EIF4ENIF1: variants seen among roughly 807,000 people sequenced by gnomAD.
EIF4ENIF1 encodes eukaryotic translation initiation factor 4E transporter.
A neutral mutation model predicts 110.5 loss-of-function variants in EIF4ENIF1; 23 were observed. The ratio of observed to expected loss-of-function variants is 0.21; its 90% CI spans 0.15 to 0.29. The LOEUF (loss-of-function observed/expected upper bound fraction) is 0.29, where lower values mean the gene tolerates loss of function less well. EIF4ENIF1 is among the 10% of genes least tolerant of loss of function. EIF4ENIF1 has a pLI of 1.00. For synonymous variants in EIF4ENIF1, 440 were observed against 437.0 expected (o/e 1.01, Z -0.09); for missense variants, 1,031 against 1,221.1 (o/e 0.84, Z 2.32).
In EIF4ENIF1 at chr22:31,471,841, T is replaced by C; in HGVS notation, c.170+3A>G. 6.2e-7 allele frequency: 1 copy of C among 1,602,506 alleles called. No homozygotes were observed. The highest frequency in any genetic ancestry group is 8.5e-7 in the Non-Finnish European group (1 of 1,176,372). ...TAGTTAAGGACTAGAATGACACACATACCTGTCATATTTTTCAGAAAGGCA... is the reference window on the plus strand; with the variant it reads ...TAGTTAAGGACTAGAATGACACACACACCTGTCATATTTTTCAGAAAGGCA... On this transcript the variant is annotated splice_donor_region_variant and intron_variant, in intron 3 of 18. Coordinates refer to ENST00000330125, the MANE Select transcript of EIF4ENIF1 (RefSeq NM_019843.4).
chr22:31,481,220 T>C (rs1211888189), intron 2 of EIF4ENIF1, among the ~76,000 whole-genome samples: 1 of 152,106 alleles, frequency 6.6e-6, no homozygotes, highest in African/African-American at 2.4e-5. Context: ...TGGAGTGCAA[T>C]GGTGCAGTCA....
intron 9 of EIF4ENIF1, 160 bp from the exon 10 acceptor site, chr22:31,454,536 AT>A (rs2050760776): frequency 4.6e-6 from 3 of 646,420 alleles, no homozygotes; most frequent in African/African-American, 1.8e-5. Context: ...AACACTTAAA[AT>A]CAAATTGTGT....
Position 31,444,689 on chromosome 22 carries a change from G to T in EIF4ENIF1, c.1990C>A (p.Gln664Lys), listed in dbSNP as rs748353165. Residue 664 changes from glutamine (Q) to lysine (K), a missense_variant and splice_region_variant, in exon 15 of 19, where the codon CAA becomes AAA. Transcript: ENST00000330125. The part of the protein sequence containing the change: ...DRTRDGFRNR[Q>K]QRVTKSPAPV... ...GCTGGTGACTTGGTCACTCGCTGTT[G>T]CCTGTGAACAAACCAATTATCAGCA... is the stretch of plus-strand genomic sequence containing the variant. The T allele has an allele frequency of 6.2e-7, 1 of 1,613,974 alleles. No individual in the cohort carries two copies. The highest frequency in any genetic ancestry group is 8.5e-7 in the Non-Finnish European group (1 of 1,179,926).
intron 8 of EIF4ENIF1, among the ~76,000 whole-genome samples, 190 bp downstream of exon 8, chr22:31,455,662 T>A (rs1018270176): frequency 6.6e-6 from 1 of 152,186 alleles, no homozygotes; most frequent in Non-Finnish European, 1.5e-5. Context: ...CCTCCCAAAG[T>A]GCTGGGATTA....
intron 6 of EIF4ENIF1, among the ~76,000 whole-genome samples, chr22:31,460,711 C>G (rs2050964242): frequency 6.6e-6 from 1 of 151,706 alleles, no homozygotes; most frequent in South Asian, 2.1e-4. Flanking sequence ...CTTTGGGAGG[C>G]TGAGGCGGGT....
chr22:31,457,867 C>T (rs556157125), intron 7 of EIF4ENIF1, among the ~76,000 whole-genome samples: 1 of 152,236 alleles, frequency 6.6e-6, no homozygotes, highest in East Asian at 1.9e-4. Context: ...AAGCATGATA[C>T]ATCACTGTGA....
intron 2 of EIF4ENIF1, among the ~76,000 whole-genome samples, chr22:31,484,705 A>G (rs1205042986): frequency 6.6e-6 from 1 of 152,170 alleles, no homozygotes; most frequent in Non-Finnish European, 1.5e-5. Context: ...GTGGTGGCGC[A>G]TGCTTGTAAT....
chr22:31,439,735 G>A lies in EIF4ENIF1; in HGVS notation c.*145C>T, dbSNP rs552141064. 6.1e-6 allele frequency: 7 copies of A among 1,152,976 alleles called. No homozygotes were observed. The highest frequency in any genetic ancestry group is 2.6e-5 in the East Asian group (1 of 39,208). 71.4% of individuals were successfully genotyped at this position (1,152,976 alleles called of 1,614,324 possible). The stretch of plus-strand genomic sequence containing the variant: ...GGTTAAGATCCTTCCATCATAATGC[G>A]GACCACACCAGATGCATGGGTTCCA... On this transcript the variant is annotated 3_prime_UTR_variant, in exon 19 of 19. Coordinates refer to ENST00000330125, the MANE Select transcript of EIF4ENIF1 (RefSeq NM_019843.4).
At chr22:31,465,517 A>G (rs1452683770) in intron 4 of EIF4ENIF1, among the ~76,000 whole-genome samples, 2 of 152,254 alleles carry the variant, frequency 1.3e-5, no homozygotes, top group Non-Finnish European at 2.9e-5. Context: ...TTAAATGACC[A>G]TTCCAAGTGC....
Position 31,468,024 on chromosome 22 carries a change from G to A in EIF4ENIF1, c.298+151C>T. On this transcript the variant is annotated intron_variant, in intron 4 of 18. Coordinates refer to ENST00000330125, the MANE Select transcript of EIF4ENIF1 (RefSeq NM_019843.4). ...ACAAAGTAGACTATGACTTTACCCTGCTGATTAGGAAAAATCCAACCGATA... is the reference window on the plus strand; with the variant it reads ...ACAAAGTAGACTATGACTTTACCCTACTGATTAGGAAAAATCCAACCGATA... 5 of 1,125,260 alleles carry A rather than the reference G, an allele frequency of 4.4e-6. No homozygotes were observed. In the South Asian group the frequency reaches 6.5e-5, roughly 15 times the overall value. 69.7% of individuals were successfully genotyped at this position (1,125,260 alleles called of 1,614,324 possible).
upstream of EIF4ENIF1, among the ~76,000 whole-genome samples, chr22:31,491,912 A>C (rs930233807): frequency 3.3e-5 from 5 of 152,186 alleles, no homozygotes; most frequent in African/African-American, 4.8e-5. Context: ...TACGTAACAA[A>C]CCACCCCAGA....
At chr22:31,476,937 G>A (rs1187113404) in intron 2 of EIF4ENIF1, among the ~76,000 whole-genome samples, 1 of 149,640 alleles carries the variant, frequency 6.7e-6, no homozygotes, top group African/African-American at 2.5e-5. Context: ...GGCAGAGGTT[G>A]CAGTGAGCCA....
intron 8 of EIF4ENIF1, 125 bp downstream of exon 8, chr22:31,455,727 G>T: frequency 7.8e-7 from 1 of 1,280,666 alleles, no homozygotes; most frequent in Non-Finnish European, 1.1e-6. Context: ...GACACAAATT[G>T]AAGGCTTTTC....
chr22:31,441,236 G>A (rs536932557), intron 17 of EIF4ENIF1, among the ~76,000 whole-genome samples: 1 of 152,148 alleles, frequency 6.6e-6, no homozygotes, highest in East Asian at 1.9e-4. Flanking sequence ...CTGGGCGACA[G>A]AGCGAGACTC....
intron 6 of EIF4ENIF1, among the ~76,000 whole-genome samples, chr22:31,462,607 G>A (rs1014656249): frequency 2.6e-5 from 4 of 151,730 alleles, no homozygotes; most frequent in Admixed American, 1.3e-4. Context: ...TTTTATTTTT[G>A]AGACAGTCTT....
At position 31,443,000 on chromosome 22, in the gene EIF4ENIF1, A is replaced by G. The variant is rs886972492; in HGVS notation, c.2168T>C (p.Leu723Pro). The change falls in exon 16 of 19, where the codon CTT (leucine) becomes CCT (proline). Residue 723 changes from leucine (L) to proline (P), a missense_variant. By Grantham distance (98) the Leu-to-Pro change is moderately conservative (BLOSUM62 -3). This residue lies in a region of EIF4ENIF1 where 309 missense variants were observed against 299.1 expected (regional missense o/e 1.03). Coordinates refer to ENST00000330125, the MANE Select transcript of EIF4ENIF1 (RefSeq NM_019843.4). ...CTGAGTATCCTCTTTACTGTCACCA[A>G]GAGCTGCTTTTCCAGATGCTGGCTC... is the stretch of plus-strand genomic sequence containing the variant. ...KEEPASGKAA[L>P]GDSKEDTQKA... is the part of the protein sequence containing the mutation. 3.7e-6 allele frequency: 6 copies of G among 1,614,150 alleles called. No individual in the cohort carries two copies. The highest frequency in any genetic ancestry group is 4.2e-6 in the Non-Finnish European group (5 of 1,180,006).
intron 15 of EIF4ENIF1, 85 bp from the exon 16 acceptor site, chr22:31,443,179 A>C (rs1292154073): frequency 6.5e-7 from 1 of 1,543,052 alleles, no homozygotes; most frequent in Non-Finnish European, 8.7e-7. Context: ...CAAGATACTC[A>C]ACAAAGAGTC....
upstream of EIF4ENIF1, among the ~76,000 whole-genome samples, chr22:31,490,728 G>C (rs2052247577): frequency 6.6e-6 from 1 of 152,132 alleles, no homozygotes; most frequent in South Asian, 2.1e-4. Context: ...ACTGCATCCT[G>C]GGGAGGAAGT....
intron 9 of EIF4ENIF1, 45 bp downstream of exon 9, chr22:31,455,091 C>T: frequency 6.5e-7 from 1 of 1,531,270 alleles, no homozygotes; most frequent in Non-Finnish European, 8.8e-7. Context: ...GACTGAACAT[C>T]TAGACCTTTT....
Sources: allele counts gnomAD v4.1 joint callset (sites outside exome capture counted in the v4.1 genomes callset), GRCh38; gene constraint gnomAD v4.1.1; regional missense constraint gnomAD v4.1.1; transcripts MANE v1.5; gene names NCBI Gene and HGNC (gene_info 2026-07-23, HGNC 2026-07-21).